Variants in FAM13A observed in about 807,000 individuals in gnomAD.
The protein encoded by FAM13A is protein FAM13A.
FAM13A carries 76 observed loss-of-function variants against 129.6 expected under a neutral mutation model. The ratio of observed to expected loss-of-function variants is 0.59; its 90% confidence interval spans 0.49 to 0.71. The LOEUF (loss-of-function observed/expected upper bound fraction) is 0.71, where lower values mean the gene tolerates loss of function less well. Among genes scored for constraint, FAM13A ranks in the 30% least tolerant of loss-of-function variants. The probability of loss-of-function intolerance (pLI) is 0.00; values close to 1 mark genes in which losing one functional copy is unlikely to be tolerated. For missense variants in FAM13A, 1,108 were observed against 1,249.3 expected (o/e 0.89, Z 1.70); for synonymous variants, 443 against 449.9 (o/e 0.98, Z 0.20).
intron 1 of FAM13A, among the ~76,000 whole-genome samples, chr4:89,042,500 C>T (rs1438648382): frequency 6.6e-6 from 1 of 152,094 alleles, no homozygotes; most frequent in South Asian, 2.1e-4. Context: ...ATATCTTATT[C>T]GTTACCCTTA....
In FAM13A at chr4:88,739,317, T is replaced by C. The variant is rs948019395; in HGVS notation, c.2467-192A>G. Among the ~76,000 whole-genome samples the C allele has an allele frequency of 3.3e-5, 5 of 152,298 alleles. No individual in the cohort carries two copies. The East Asian group carries it at 9.6e-4, about 29-fold the overall frequency. On this transcript the variant is annotated intron_variant, in intron 19 of 23. Transcript: ENST00000264344. ...AAATATTCAGATTACCTAGTTCAGC[T>C]GCAGATCAGTGGAAGTCACTCCACT...
chr4:88,848,312 G>C (rs11944133), intron 7 of FAM13A, among the ~76,000 whole-genome samples: 1,981 of 152,280 alleles, frequency 0.013, 47 homozygotes, highest in African/African-American at 0.045. Flanking sequence ...GATATGGCCA[G>C]CTGGTCTCTG....
intron 6 of FAM13A, among the ~76,000 whole-genome samples, chr4:88,853,445 T>C (rs192096377): frequency 2.0e-5 from 3 of 152,270 alleles, no homozygotes; most frequent in Admixed American, 2.0e-4. Context: ...TATACGCTGT[T>C]ATATATTTCA....
At chr4:88,761,023 T>C (rs1744719837) in intron 13 of FAM13A, among the ~76,000 whole-genome samples, 1 of 152,240 alleles carries the variant, frequency 6.6e-6, no homozygotes, top group Non-Finnish European at 1.5e-5. Context: ...TCAAGTCATT[T>C]AAGCCCTCAT....
intron 4 of FAM13A, among the ~76,000 whole-genome samples, chr4:88,970,530 A>G (rs1284264939): frequency 6.6e-6 from 1 of 151,406 alleles, no homozygotes; most frequent in Non-Finnish European, 1.5e-5. Context: ...TATATTTGAT[A>G]TATCTATATA....
chr4:89,039,933 A>G (rs1389809766), intron 1 of FAM13A, among the ~76,000 whole-genome samples: 3 of 151,962 alleles, frequency 2.0e-5, no homozygotes. Context: ...AGCTCGGGTG[A>G]CAGAGCAAGA....
At chr4:88,949,685 C>T (rs1426427954) in intron 4 of FAM13A, among the ~76,000 whole-genome samples, 1 of 152,136 alleles carries the variant, frequency 6.6e-6, no homozygotes, top group Non-Finnish European at 1.5e-5. Context: ...TGAGGTGAGG[C>T]AATGGAAACT....
chr4:88,921,077 G>A (rs551718762), intron 5 of FAM13A, among the ~76,000 whole-genome samples: 114 of 152,288 alleles, frequency 7.5e-4, no homozygotes, highest in African/African-American at 2.7e-3. Context: ...ACGTCTGATT[G>A]GTGTACCTGA....
At chr4:88,774,422 G>C (rs1301744771) in intron 11 of FAM13A, among the ~76,000 whole-genome samples, 7 of 152,184 alleles carry the variant, frequency 4.6e-5, no homozygotes, top group Admixed American at 4.6e-4. Context: ...TAGTTGTTGT[G>C]TGATTGAAGG....
chr4:88,744,870 G>C (rs1306062916), intron 19 of FAM13A, among the ~76,000 whole-genome samples: 1 of 152,134 alleles, frequency 6.6e-6, no homozygotes, highest in Non-Finnish European at 1.5e-5. Flanking sequence ...ATTTCCTAGA[G>C]CATTTGTTCC....
chr4:88,912,133 A>C (rs1211942854), intron 5 of FAM13A, among the ~76,000 whole-genome samples: 1 of 152,206 alleles, frequency 6.6e-6, no homozygotes, highest in Non-Finnish European at 1.5e-5. Flanking sequence ...CTAAATGAAG[A>C]GATGTCCAAA....
chr4:88,941,888 G>A (rs1754819487), intron 4 of FAM13A, among the ~76,000 whole-genome samples: 1 of 152,204 alleles, frequency 6.6e-6, no homozygotes, highest in African/African-American at 2.4e-5. Flanking sequence ...CAGTTTTTAA[G>A]GTAACTGCCG....
At chr4:88,990,864 C>T (rs1762841128) in intron 4 of FAM13A, 109 bp downstream of exon 4, 2 of 801,598 alleles carry the variant, frequency 2.5e-6, no homozygotes, top group South Asian at 4.1e-5. Flanking sequence ...CCAAAATAAG[C>T]TGGCTGAATT....
chr4:89,033,755 T>C (rs1415866174), intron 1 of FAM13A, among the ~76,000 whole-genome samples: 1 of 152,110 alleles, frequency 6.6e-6, no homozygotes. Context: ...AGCTAACACA[T>C]AGAAGGGACT....
chr4:88,991,225 C>T lies in FAM13A; in HGVS notation c.428-75G>A, dbSNP rs1019555521. ...ACAACAAAAGCCCATAGGTGTAATACATTCTAACATTTTATTCAGAAAAAA... is the reference window on the plus strand; with the variant it reads ...ACAACAAAAGCCCATAGGTGTAATATATTCTAACATTTTATTCAGAAAAAA... On this transcript the variant is annotated intron_variant, in intron 3 of 23. Coordinates refer to ENST00000264344, the MANE Select transcript of FAM13A (RefSeq NM_014883.4). 2.3e-5 allele frequency: 25 copies of T among 1,075,492 alleles called. No individual in the cohort carries two copies. The African/African-American group carries it at 2.9e-4, about 12-fold the overall frequency. 66.6% of individuals were successfully genotyped at this position (1,075,492 alleles called of 1,614,324 possible). A position where few individuals can be genotyped will look rare whatever the true frequency, so the allele number is the denominator to read the frequency against.
intron 4 of FAM13A, among the ~76,000 whole-genome samples, chr4:88,984,291 T>C (rs1422160895): frequency 6.6e-6 from 1 of 151,942 alleles, no homozygotes; most frequent in African/African-American, 2.4e-5. Context: ...AACAGATACA[T>C]TGCACTCCAT....
At chr4:88,960,926 A>G (rs1235658610) in intron 4 of FAM13A, among the ~76,000 whole-genome samples, 1 of 152,228 alleles carries the variant, frequency 6.6e-6, no homozygotes, top group African/African-American at 2.4e-5. Context: ...TAAAAAAATT[A>G]TATTTATGGA....
intron 17 of FAM13A, 148 bp downstream of exon 17, chr4:88,748,804 G>GAAGT: frequency 2.9e-6 from 2 of 701,124 alleles, no homozygotes; most frequent in Non-Finnish European, 5.2e-6. Context: ...AAGACCTGGG[G>GAAGT]AAGTGGTCAC....
chr4:89,018,944 T>C (rs1364233535), intron 3 of FAM13A, among the ~76,000 whole-genome samples: 1 of 152,198 alleles, frequency 6.6e-6, no homozygotes, highest in Non-Finnish European at 1.5e-5. Context: ...CCAGGTACTC[T>C]GAAGAAAGAA....
Sources: allele counts gnomAD v4.1 joint callset (sites outside exome capture counted in the v4.1 genomes callset), GRCh38; gene constraint gnomAD v4.1.1; transcripts MANE v1.5; gene names NCBI Gene and HGNC (gene_info 2026-07-23, HGNC 2026-07-21).